Variants in SCMH1 observed in about 807,000 individuals in gnomAD.
SCMH1 encodes the protein polycomb protein SCMH1.
A neutral mutation model predicts 70.8 loss-of-function variants in SCMH1; 37 were observed. The observed-to-expected ratio is 0.52, with a 90% CI of 0.40 to 0.69. The LOEUF (loss-of-function observed/expected upper bound fraction) is 0.69, where lower values mean the gene tolerates loss of function less well. SCMH1 is among the 30% of genes least tolerant of loss of function. The pLI, the probability that SCMH1 is intolerant of heterozygous loss-of-function variation, is 0.00. For synonymous variants in SCMH1, 292 were observed against 307.4 expected (o/e 0.95, Z 0.52); for missense variants, 607 against 827.3 (o/e 0.73, Z 3.27).
chr1:41,148,778 A>G (rs1162312892), intron 5 of SCMH1, among the ~76,000 whole-genome samples: 3 of 151,584 alleles, frequency 2.0e-5, no homozygotes, highest in African/African-American at 7.3e-5. Flanking sequence ...GTGGACCTAT[A>G]GTTTTATTTA....
chr1:41,072,672 G>A (rs1656939029), intron 9 of SCMH1, among the ~76,000 whole-genome samples: 1 of 152,066 alleles, frequency 6.6e-6, no homozygotes, highest in Non-Finnish European at 1.5e-5. Flanking sequence ...GACCAGCCTG[G>A]GCAACATAGC....
At chr1:41,094,471 G>A (rs911759742) in intron 8 of SCMH1, among the ~76,000 whole-genome samples, 1 of 152,130 alleles carries the variant, frequency 6.6e-6, no homozygotes, top group Non-Finnish European at 1.5e-5. Flanking sequence ...AGGATCCAAG[G>A]AGTACAGTTT....
chr1:41,054,965 TAG>T (rs1384596540), intron 10 of SCMH1, among the ~76,000 whole-genome samples: 1 of 152,150 alleles, frequency 6.6e-6, no homozygotes, highest in Admixed American at 6.5e-5. Flanking sequence ...TACTTTGTTG[TAG>T]AGACGGGTTC....
At chr1:41,138,557 T>A (rs867140091) in intron 6 of SCMH1, among the ~76,000 whole-genome samples, 17 of 152,322 alleles carry the variant, frequency 1.1e-4, no homozygotes, top group African/African-American at 3.8e-4. Context: ...CCTTATTACA[T>A]TTTCAGTTGA....
At chr1:41,037,248 C>T in intron 13 of SCMH1, 114 bp downstream of exon 13, 2 of 1,063,540 alleles carry the variant, frequency 1.9e-6, no homozygotes, top group Non-Finnish European at 2.7e-6. Flanking sequence ...TCCCTAGTCC[C>T]ACCACCAGGC....
At position 41,113,314 on chromosome 1, in the gene SCMH1, A is replaced by C; in HGVS notation, c.714T>G (p.Thr238=). The C allele has an allele frequency of 1.9e-6, 3 of 1,613,842 alleles. No homozygotes were observed. Among genetic ancestry groups the C allele is most frequent in the Non-Finnish European group, 2.5e-6 (3 of 1,179,918 alleles). ...TGCCAGGAGGCTGCAGGTTGTCTCC[A>C]GTCAAGGAACACCAGCCCACAGGGA... The change falls in exon 8 of 15, where the codon ACT becomes ACG. Residue 238 remains threonine, a synonymous_variant. Transcript: ENST00000337495. This position sits in a 1 kb window ranked among gnomAD's most constrained non-coding sequence, Gnocchi z 4.3.
chr1:41,197,135 G>T lies in SCMH1; in HGVS notation c.-117-10885C>A, dbSNP rs138555423. Among the ~76,000 whole-genome samples, 462 of 152,214 alleles carry T rather than the reference G, an allele frequency of 3.0e-3. 1 individual carries two copies. The highest frequency in any genetic ancestry group is 0.01 in the African/African-American group (433 of 41,564). ...GTATAGCTGCTGTGGAAAATGGTTG[G>T]CAGTTCTTCAAAAAGTCAAATGTGG... is the stretch of plus-strand genomic sequence containing the variant. On this transcript the variant is annotated intron_variant, in intron 1 of 14. Coordinates refer to ENST00000337495, the Ensembl canonical transcript of SCMH1.
rs1189932363 is a variant in SCMH1, at chr1:41,113,738, T to A, written c.502-212A>T. Among the ~76,000 whole-genome samples the A allele has an allele frequency of 1.3e-5, 2 of 152,328 alleles. No individual in the cohort carries two copies. Among genetic ancestry groups the A allele is most frequent in the Middle Eastern group, 3.4e-3 (1 of 294 alleles). The stretch of plus-strand genomic sequence containing the variant: ...AACATTTTGACAACTTTGCTTCAGA[T>A]TTTTTAAAAAGGAAATAAAAGGTTG... On this transcript the variant is annotated intron_variant, in intron 7 of 14. Coordinates refer to ENST00000337495, the Ensembl canonical transcript of SCMH1. The surrounding 1 kb of genome is among the most constrained non-coding windows in gnomAD (Gnocchi z 4.3).
intron 1 of SCMH1, among the ~76,000 whole-genome samples, chr1:41,188,084 G>A (rs1008247190): frequency 7.9e-5 from 12 of 152,170 alleles, no homozygotes; most frequent in African/African-American, 2.7e-4. Flanking sequence ...AGATAGTAAT[G>A]GCACTAAGGG....
intron 8 of SCMH1, among the ~76,000 whole-genome samples, chr1:41,088,183 A>C (rs1470784424): frequency 6.6e-6 from 1 of 152,128 alleles, no homozygotes; most frequent in Non-Finnish European, 1.5e-5. Flanking sequence ...TTGTGTAAGA[A>C]GGGTAGGAAA....
chr1:41,067,165 C>T (rs79603728), intron 10 of SCMH1, among the ~76,000 whole-genome samples: 2 of 152,078 alleles, frequency 1.3e-5, no homozygotes, highest in East Asian at 3.9e-4. Flanking sequence ...GAGCTATCGG[C>T]CAGGCGTGGT....
At chr1:41,033,310 T>C (rs957869159) in intron 13 of SCMH1, among the ~76,000 whole-genome samples, 2 of 151,800 alleles carry the variant, frequency 1.3e-5, no homozygotes, top group African/African-American at 4.8e-5. Flanking sequence ...GAGGCCATTA[T>C]GATAAGCCAG....
intron 1 of SCMH1, among the ~76,000 whole-genome samples, chr1:41,234,676 G>A (rs1179108365): frequency 4.6e-5 from 7 of 151,480 alleles, no homozygotes; most frequent in African/African-American, 1.7e-4. Context: ...GGGTTTCACC[G>A]TGTTAACCAG....
chr1:41,234,569 C>G (rs867529957), intron 1 of SCMH1, among the ~76,000 whole-genome samples: 1 of 142,190 alleles, frequency 7.0e-6, no homozygotes. Flanking sequence ...CCGCCTCCCA[C>G]GTTCAAGCCA....
At chr1:41,051,271 A>G (rs1416035585) in intron 10 of SCMH1, among the ~76,000 whole-genome samples, 1 of 152,234 alleles carries the variant, frequency 6.6e-6, no homozygotes, top group Non-Finnish European at 1.5e-5. Context: ...CAAACCTACT[A>G]CACTGCCAGG....
chr1:41,200,112 G>T (rs1025295588), intron 1 of SCMH1, among the ~76,000 whole-genome samples: 1 of 152,144 alleles, frequency 6.6e-6, no homozygotes, highest in Admixed American at 6.5e-5. Flanking sequence ...TTTTTTGATT[G>T]TAATCCACAG....
chr1:41,144,385 C>G (rs1644366834), intron 5 of SCMH1, among the ~76,000 whole-genome samples: 1 of 152,136 alleles, frequency 6.6e-6, no homozygotes, highest in African/African-American at 2.4e-5. Context: ...TAGTTTCTTT[C>G]ATTTAGCAAA....
At chr1:41,061,728 T>C (rs972454737) in intron 10 of SCMH1, among the ~76,000 whole-genome samples, 1 of 152,220 alleles carries the variant, frequency 6.6e-6, no homozygotes, top group African/African-American at 2.4e-5. Flanking sequence ...TCAACTGAAA[T>C]ATAGTTGGCA....
At chr1:41,115,159 T>A (rs1261832968) in intron 7 of SCMH1, among the ~76,000 whole-genome samples, 1 of 152,232 alleles carries the variant, frequency 6.6e-6, no homozygotes, top group African/African-American at 2.4e-5. Flanking sequence ...GCAAATAAAG[T>A]GATTTTTAAA....
Sources: gnomAD v4.1 joint callset for allele counts (sites outside exome capture counted in the v4.1 genomes callset) on GRCh38, gnomAD v4.1.1 for gene constraint, Gnocchi (gnomAD v3.1) non-coding constraint, MANE v1.5 for transcripts, NCBI Gene and HGNC (gene_info 2026-07-23, HGNC 2026-07-21) for gene names.